Variants in ATP9B observed in about 807,000 individuals in gnomAD.
ATP9B encodes the protein ATPase phospholipid transporting 9B, also known as probable phospholipid-transporting ATPase IIB.
In ATP9B, 110 loss-of-function variants were observed where a neutral mutation model predicts 146.1. The ratio of observed to expected loss-of-function variants is 0.75; its 90% CI spans 0.65 to 0.88. The LOEUF is 0.88. Among genes scored for constraint, ATP9B ranks in the 40% least tolerant of loss-of-function variants. ATP9B has a pLI of 0.00. For missense variants in ATP9B, 1,499 were observed against 1,496.4 expected (o/e 1.00, Z -0.03); for synonymous variants, 604 against 569.7 (o/e 1.06, Z -0.86).
Position 79,374,068 on chromosome 18 carries a change from G to A in ATP9B, c.3241G>A (p.Val1081Met), listed in dbSNP as rs749790815. The change falls in exon 28 of 30, where the codon GTG becomes ATG. Residue 1081 changes from valine to methionine, a missense_variant. Physicochemically the swap from Val to Met is conservative, Grantham distance 21 (BLOSUM62 1). Transcript: ENST00000426216. ...CGAGTTCCTCAGCTTAGGCTGCTACGTGTCCTCACTCGCTTTTCTCAATGA... is the reference window on the plus strand; with the variant it reads ...CGAGTTCCTCAGCTTAGGCTGCTACATGTCCTCACTCGCTTTTCTCAATGA... ...VAEFLSLGCY[V>M]SSLAFLNEYF... is the part of the protein sequence containing the mutation. 6.8e-6 allele frequency: 11 copies of A among 1,614,098 alleles called. No individual in the cohort carries two copies. The highest frequency in any genetic ancestry group is 5.5e-5 in the South Asian group (5 of 91,084).
At chr18:79,253,168 C>T (rs890272449) in intron 11 of ATP9B, among the ~76,000 whole-genome samples, 1 of 152,158 alleles carries the variant, frequency 6.6e-6, no homozygotes, top group South Asian at 2.1e-4. Flanking sequence ...TGCTCTGGCC[C>T]GTGTTTTGTC....
chr18:79,313,611 T>C lies in ATP9B; in HGVS notation c.1773+6377T>C, dbSNP rs992671069. Among the ~76,000 whole-genome samples the C allele has an allele frequency of 2.6e-5, 4 of 152,246 alleles. No individual in the cohort carries two copies. In the East Asian group the frequency reaches 7.7e-4, roughly 29 times the overall value. ...TATTACCTTATTCCACATTTTTTAT[T>C]CAAAGTATCTGGGATTTTTTATTTT... is the stretch of plus-strand genomic sequence containing the variant. On this transcript the variant is annotated intron_variant, in intron 15 of 29. Coordinates refer to ENST00000426216, the MANE Select transcript of ATP9B (RefSeq NM_198531.5).
chr18:79,171,510 C>T (rs1314640170), intron 7 of ATP9B, among the ~76,000 whole-genome samples: 1 of 152,114 alleles, frequency 6.6e-6, no homozygotes, highest in Non-Finnish European at 1.5e-5. Flanking sequence ...TAATTAATGA[C>T]TCCTGGGAAG....
chr18:79,088,957 G>GT (rs1481277547), intron 1 of ATP9B, among the ~76,000 whole-genome samples: 3 of 152,188 alleles, frequency 2.0e-5, no homozygotes. Flanking sequence ...AAGAGTGCCT[G>GT]TTTATCCAAG....
rs558789077 is a variant in ATP9B, at chr18:79,375,098, G to A, written c.3275-296G>A. The stretch of plus-strand genomic sequence containing the variant: ...CAGAACATGGCCAGCCCTCCAGCGC[G>A]TGCGCCTTCTGTGCTGAGCTCCTCT... On this transcript the variant is annotated intron_variant, in intron 28 of 29. Transcript: ENST00000426216. Among the ~76,000 whole-genome samples the A allele has an allele frequency of 9.2e-5, 14 of 152,312 alleles. No homozygotes were observed. In the South Asian group the frequency reaches 1.2e-3, roughly 14 times the overall value.
chr18:79,174,886 C>T (rs2095137315), intron 7 of ATP9B, among the ~76,000 whole-genome samples: 1 of 152,048 alleles, frequency 6.6e-6, no homozygotes, highest in Non-Finnish European at 1.5e-5. Context: ...CAGGTGCTAT[C>T]AACTGATCTT....
chr18:79,157,564 T>C (rs2094814379), intron 7 of ATP9B, among the ~76,000 whole-genome samples: 1 of 152,152 alleles, frequency 6.6e-6, no homozygotes, highest in East Asian at 1.9e-4. Flanking sequence ...AGAATTATTA[T>C]TAATTCTTTG....
At chr18:79,224,843 C>T (rs1160291605) in intron 11 of ATP9B, among the ~76,000 whole-genome samples, 1 of 152,054 alleles carries the variant, frequency 6.6e-6, no homozygotes, top group Non-Finnish European at 1.5e-5. Context: ...GGGTGCTTGT[C>T]CTTGGGGGGT....
intron 15 of ATP9B, among the ~76,000 whole-genome samples, chr18:79,327,437 C>T (rs1387401626): frequency 2.6e-5 from 4 of 151,288 alleles, no homozygotes; most frequent in Non-Finnish European, 4.4e-5. Context: ...GCGTGCTCTC[C>T]ATGGTTAGTG....
chr18:79,091,762 C>T lies in ATP9B; in HGVS notation c.120-4714C>T, dbSNP rs546309893. Reference sequence around the variant, plus strand: ...ATTTCCTTTCCAATTTGGATTCCCCCTATATGTTTCTCTTGTCCGATAGCT... The same window carrying T: ...ATTTCCTTTCCAATTTGGATTCCCCTTATATGTTTCTCTTGTCCGATAGCT... On this transcript the variant is annotated intron_variant, in intron 1 of 29. Coordinates refer to ENST00000426216, the MANE Select transcript of ATP9B (RefSeq NM_198531.5). Among the ~76,000 whole-genome samples, 156 of 152,286 alleles carry T rather than the reference C, an allele frequency of 1.0e-3. 2 individuals carry two copies. Among genetic ancestry groups the T allele is most frequent in the African/African-American group, 3.6e-3 (151 of 41,568 alleles).
intron 20 of ATP9B, among the ~76,000 whole-genome samples, chr18:79,343,314 ATTG>A (rs1386556329): frequency 1.3e-5 from 2 of 152,184 alleles, no homozygotes; most frequent in Non-Finnish European, 2.9e-5. Context: ...TGAGTCTGAG[ATTG>A]TTAATTTGAA....
chr18:79,299,491 C>T (rs2096575570), intron 13 of ATP9B, among the ~76,000 whole-genome samples: 1 of 152,172 alleles, frequency 6.6e-6, no homozygotes, highest in Non-Finnish European at 1.5e-5. Flanking sequence ...AGTCCCTGCC[C>T]CCTCTCTGCA....
At chr18:79,098,530 T>A (rs2075003218) in intron 2 of ATP9B, among the ~76,000 whole-genome samples, 1 of 150,604 alleles carries the variant, frequency 6.6e-6, no homozygotes, top group Non-Finnish European at 1.5e-5. Context: ...TCAAACAAAT[T>A]TACAAGAAGA....
chr18:79,220,730 T>C (rs951203976), intron 11 of ATP9B, among the ~76,000 whole-genome samples: 1 of 152,268 alleles, frequency 6.6e-6, no homozygotes, highest in Non-Finnish European at 1.5e-5. Flanking sequence ...ACAAGTCTTA[T>C]ATTCGGTTGC....
intron 13 of ATP9B, among the ~76,000 whole-genome samples, chr18:79,293,285 C>A (rs928042889): frequency 6.6e-6 from 1 of 151,930 alleles, no homozygotes; most frequent in Non-Finnish European, 1.5e-5. Context: ...ATTTGTTATA[C>A]AGTTTGAATG....
rs2096901385 is a variant in ATP9B, at chr18:79,348,170, T to C, written c.2877T>C (p.Pro959=). The C allele has an allele frequency of 6.2e-7, 1 of 1,610,790 alleles. No individual in the cohort carries two copies. The highest frequency in any genetic ancestry group is 1.1e-5 in the South Asian group (1 of 90,954). Residue 959 remains proline (P), a synonymous_variant, in exon 25 of 30, where the codon CCT becomes CCC. Transcript: ENST00000426216. ...FSSVFYFASV[P]LYQGFLMVGY... Reference sequence around the variant, plus strand: ...CAGTCTTCTACTTCGCATCCGTCCCTTTGTATCAGGGCTTCCTCATGGTGG... The same window carrying C: ...CAGTCTTCTACTTCGCATCCGTCCCCTTGTATCAGGGCTTCCTCATGGTGG...
chr18:79,135,506 G>A (rs900495791), intron 5 of ATP9B, among the ~76,000 whole-genome samples: 7 of 152,128 alleles, frequency 4.6e-5, no homozygotes, highest in Non-Finnish European at 1.0e-4. Context: ...GGCTCCTGTA[G>A]CCTTAGTGCC....
chr18:79,095,949 A>T (rs904477077), intron 1 of ATP9B, among the ~76,000 whole-genome samples: 3 of 152,214 alleles, frequency 2.0e-5, no homozygotes, highest in African/African-American at 7.2e-5. Context: ...AATAAATGGG[A>T]CATAGCATCA....
chr18:79,306,257 G>A (rs2096619820), intron 14 of ATP9B, among the ~76,000 whole-genome samples: 2 of 152,320 alleles, frequency 1.3e-5, no homozygotes, highest in Middle Eastern at 3.4e-3. Context: ...TGGGGTTGGG[G>A]GGAGTGTCCT....
Sources: allele counts gnomAD v4.1 joint callset (sites outside exome capture counted in the v4.1 genomes callset), GRCh38; gene constraint gnomAD v4.1.1; transcripts MANE v1.5; gene names NCBI Gene and HGNC (gene_info 2026-07-23, HGNC 2026-07-21).